The following STX8 variants were observed in gnomAD, a reference collection of about 807,000 sequenced individuals.
The protein encoded by STX8 is syntaxin 8, also known as syntaxin-8.
A neutral mutation model predicts 37.5 loss-of-function variants in STX8; 23 were observed. That is an observed-to-expected ratio of 0.61 (90% CI 0.44 to 0.87). The LOEUF (loss-of-function observed/expected upper bound fraction) is 0.87, where lower values mean the gene tolerates loss of function less well. STX8 is among the 40% of genes least tolerant of loss of function. STX8 has a pLI of 0.00. For missense variants in STX8, 313 were observed against 284.7 expected, an observed-to-expected ratio of 1.10 and a Z score of -0.71; for synonymous variants, 115 against 99.1, an observed-to-expected ratio of 1.16 and a Z score of -0.95.
intron 5 of STX8, among the ~76,000 whole-genome samples, chr17:9,495,092 T>C (rs1904336067): frequency 6.6e-6 from 1 of 152,236 alleles, no homozygotes; most frequent in Admixed American, 6.5e-5. Flanking sequence ...TGGAATTAAA[T>C]CATCAAACTT....
intron 7 of STX8, among the ~76,000 whole-genome samples, chr17:9,281,028 G>A (rs1369617018): frequency 6.6e-6 from 1 of 152,176 alleles, no homozygotes; most frequent in Non-Finnish European, 1.5e-5. Context: ...AGGAATCTGG[G>A]CAATAGAGAG....
intron 7 of STX8, among the ~76,000 whole-genome samples, chr17:9,335,791 T>C (rs760942296): frequency 3.1e-4 from 47 of 150,586 alleles, no homozygotes; most frequent in Non-Finnish European, 5.2e-4. Context: ...AACCATGGCA[T>C]TCAAGGTGGG....
At chr17:9,396,132 T>C (rs1912393871) in intron 6 of STX8, among the ~76,000 whole-genome samples, 1 of 152,156 alleles carries the variant, frequency 6.6e-6, no homozygotes, top group African/African-American at 2.4e-5. Flanking sequence ...TTTTCCATTA[T>C]TTTAGAAGAC....
Position 9,346,476 on chromosome 17 carries a change from C to T in STX8, c.643+32076G>A, listed in dbSNP as rs961562653. ...AATTAAGAATGTTTGAGAAGTACCA[C>T]GGAAAGAAAAAGTTTAGCAAGCAAT... On this transcript the variant is annotated intron_variant, in intron 7 of 7. Transcript: ENST00000306357. 1.7e-4 allele frequency among the ~76,000 whole-genome samples: 26 copies of T among 152,114 alleles called. 1 individual carries two copies. Among genetic ancestry groups the T allele is most frequent in the Non-Finnish European group, 8.8e-5 (6 of 68,016 alleles).
intron 4 of STX8, among the ~76,000 whole-genome samples, chr17:9,538,369 T>C (rs1282445344): frequency 6.6e-6 from 1 of 152,246 alleles, no homozygotes. Context: ...AAATCAATGA[T>C]TCTTTAGGAA....
intron 7 of STX8, among the ~76,000 whole-genome samples, chr17:9,373,973 G>T (rs1277807484): frequency 6.6e-6 from 1 of 151,174 alleles, no homozygotes; most frequent in Non-Finnish European, 1.5e-5. Flanking sequence ...GACAGCCTCG[G>T]CCACGAAGTG....
chr17:9,251,157 T>C (rs1906561279), intron 7 of STX8, among the ~76,000 whole-genome samples: 1 of 152,226 alleles, frequency 6.6e-6, no homozygotes, highest in African/African-American at 2.4e-5. Context: ...TGATATATAC[T>C]TTTTCTGCTA....
chr17:9,258,606 AT>A (rs1906888841), intron 7 of STX8, among the ~76,000 whole-genome samples: 1 of 152,214 alleles, frequency 6.6e-6, no homozygotes, highest in African/African-American at 2.4e-5. Context: ...TCTTGAATCT[AT>A]CTTACCCCAC....
At chr17:9,277,278 A>G (rs1429287123) in intron 7 of STX8, among the ~76,000 whole-genome samples, 2 of 152,300 alleles carry the variant, frequency 1.3e-5, no homozygotes, top group East Asian at 3.9e-4. Flanking sequence ...TATTTCTCAA[A>G]TGAGAGGACC....
At chr17:9,527,993 T>C (rs1597725499) in intron 4 of STX8, among the ~76,000 whole-genome samples, 1 of 152,138 alleles carries the variant, frequency 6.6e-6, no homozygotes, top group Non-Finnish European at 1.5e-5. Context: ...GCTGGAAAAA[T>C]GCCTGCATAT....
intron 5 of STX8, 73 bp from the exon 6 acceptor site, chr17:9,491,994 C>A: frequency 2.0e-6 from 2 of 997,744 alleles, no homozygotes; most frequent in South Asian, 1.7e-5. Flanking sequence ...TATACCCAGG[C>A]ATATAACACA....
At chr17:9,338,203 G>A (rs556212873) in intron 7 of STX8, among the ~76,000 whole-genome samples, 2 of 151,920 alleles carry the variant, frequency 1.3e-5, no homozygotes, top group East Asian at 1.9e-4. Flanking sequence ...ACAGGTGCCC[G>A]CCACCACGCC....
intron 4 of STX8, among the ~76,000 whole-genome samples, chr17:9,522,676 C>T (rs1032240866): frequency 1.3e-5 from 2 of 151,670 alleles, no homozygotes; most frequent in Admixed American, 1.3e-4. Context: ...CGCGCCACTG[C>T]ACTCCAGCCT....
intron 4 of STX8, among the ~76,000 whole-genome samples, chr17:9,510,213 T>C (rs1904978178): frequency 6.6e-6 from 1 of 152,182 alleles, no homozygotes; most frequent in Non-Finnish European, 1.5e-5. Context: ...CTCTCAGCAT[T>C]GGACAGATCA....
intron 7 of STX8, among the ~76,000 whole-genome samples, chr17:9,302,989 TA>T (rs34429298): frequency 0.019 from 2,439 of 129,370 alleles, 31 homozygotes; most frequent in Admixed American, 0.043. Context: ...TAATATAGAT[TA>T]AAAAAAAAAA....
At chr17:9,302,066 T>C (rs1216996461) in intron 7 of STX8, among the ~76,000 whole-genome samples, 1 of 152,200 alleles carries the variant, frequency 6.6e-6, no homozygotes, top group Non-Finnish European at 1.5e-5. Context: ...TACCAGAGTA[T>C]TTTGGGGAGG....
chr17:9,372,262 C>A (rs968520054), intron 7 of STX8, among the ~76,000 whole-genome samples: 1 of 151,524 alleles, frequency 6.6e-6, no homozygotes, highest in Non-Finnish European at 1.5e-5. Flanking sequence ...CAACGCTGCC[C>A]TTTCCACAAC....
At chr17:9,380,000 AT>A (rs1911739305) in intron 6 of STX8, among the ~76,000 whole-genome samples, 4 of 151,826 alleles carry the variant, frequency 2.6e-5, no homozygotes, top group Admixed American at 6.6e-5. Context: ...TTGATGTGAA[AT>A]TCATTTCTTT....
intron 7 of STX8, among the ~76,000 whole-genome samples, chr17:9,342,126 G>A (rs1319305364): frequency 6.6e-6 from 1 of 152,132 alleles, no homozygotes; most frequent in Non-Finnish European, 1.5e-5. Context: ...CTCATAAGAA[G>A]CACACAACCT....
Sources: gnomAD v4.1 joint callset for allele counts (sites outside exome capture counted in the v4.1 genomes callset) on GRCh38, gnomAD v4.1.1 for gene constraint, MANE v1.5 for transcripts, NCBI Gene and HGNC (gene_info 2026-07-23, HGNC 2026-07-21) for gene names.